PSMG3: variants seen among roughly 807,000 people sequenced by gnomAD.
The protein encoded by PSMG3 is PAC-3.
PSMG3 carries 4 observed loss-of-function variants against 7.9 expected under a neutral mutation model. That is an observed-to-expected ratio of 0.51 (90% confidence interval 0.25 to 1.16). The LOEUF (loss-of-function observed/expected upper bound fraction) is 1.16, where lower values mean the gene tolerates loss of function less well. Among genes scored for constraint, PSMG3 ranks in the 50% most tolerant of loss-of-function variants. The probability of loss-of-function intolerance (pLI) is 0.15; values close to 1 mark genes in which losing one functional copy is unlikely to be tolerated. For missense variants in PSMG3, 151 were observed against 157.4 expected (o/e 0.96, Z 0.22); for synonymous variants, 81 against 69.8 (o/e 1.16, Z -0.80).
At chr7:1,568,283 G>T (rs1237869387) in intron 1 of PSMG3, among the ~76,000 whole-genome samples, 1 of 151,868 alleles carries the variant, frequency 6.6e-6, no homozygotes, top group African/African-American at 2.4e-5. Context: ...ATGCCTGCGG[G>T]CTGGACAAAG....
Position 1,569,917 on chromosome 7 carries a change from CGGCCCG to C in PSMG3, c.-584_-579del, listed in dbSNP as rs1778858032. The C allele has an allele frequency of 6.6e-6, 1 of 151,906 alleles. No homozygotes were observed. Among genetic ancestry groups the C allele is most frequent in the South Asian group, 2.1e-4 (1 of 4,836 alleles). The allele number at this position is 151,906 out of a possible 1,614,324, so 9.4% of individuals were successfully genotyped here. The stretch of plus-strand genomic sequence containing the variant: ...CGCCGCCGCCCCGGCCCTGCAGCCG[CGGCCCG>C]GGACCCCCACGACACGCGGTGCCGA... On this transcript the variant is annotated 5_prime_UTR_variant, in exon 1 of 2. Coordinates refer to ENST00000288607, the MANE Select transcript of PSMG3 (RefSeq NM_032302.4).
chr7:1,568,972 A>T, intron 1 of PSMG3, 152 bp downstream of exon 1: 1 of 642,682 alleles, frequency 1.6e-6, no homozygotes, highest in Admixed American at 2.7e-5. Flanking sequence ...TATTTTGTGT[A>T]GGCACTTGTT....
Position 1,567,696 on chromosome 7 carries a change from G to A in PSMG3, c.*2C>T, listed in dbSNP as rs369521664. On this transcript the variant is annotated 3_prime_UTR_variant, in exon 2 of 2. Transcript: ENST00000288607. ...GAGCAGCGCGGGGCGGCTGCCTCCA[G>A]GTCACCACACCTGGCACACCCGGAT... is the stretch of plus-strand genomic sequence containing the variant. 2.5e-6 allele frequency: 4 copies of A among 1,613,346 alleles called. No individual in the cohort carries two copies. The African/African-American group carries it at 4.0e-5, about 16-fold the overall frequency.
rs1373215103 is a variant in PSMG3, at chr7:1,567,340, T to C, written c.*358A>G. On this transcript the variant is annotated 3_prime_UTR_variant, in exon 2 of 2. Transcript: ENST00000288607. ...AGGAGGACAGTGAAGTATTTTGGGA[T>C]ACACATTCGCTTTTAATAAAAAAGA... The C allele has an allele frequency of 5.3e-6, 1 of 187,770 alleles. No homozygotes were observed. Among genetic ancestry groups the C allele is most frequent in the Non-Finnish European group, 1.1e-5 (1 of 92,118 alleles). 11.6% of individuals were successfully genotyped at this position (187,770 alleles called of 1,614,324 possible).
chr7:1,568,993 G>A (rs183134743), intron 1 of PSMG3, 131 bp downstream of exon 1: 39 of 714,312 alleles, frequency 5.5e-5, no homozygotes, highest in African/African-American at 4.8e-4. Flanking sequence ...TTTTTGTAGT[G>A]ACTTGTGTGT....
intron 1 of PSMG3, among the ~76,000 whole-genome samples, chr7:1,568,337 C>A (rs531371178): frequency 8.6e-5 from 13 of 151,992 alleles, no homozygotes; most frequent in Non-Finnish European, 1.9e-4. Flanking sequence ...CCACAAATGC[C>A]CGGAAAATGC....
In PSMG3 at chr7:1,569,384, G is replaced by A. The variant is rs144535577; in HGVS notation, c.-45C>T. 6,746 of 1,485,404 alleles carry A rather than the reference G, an allele frequency of 4.5e-3. 110 individuals carry two copies. The highest frequency in any genetic ancestry group is 0.031 in the East Asian group (1,258 of 40,752). The allele number at this position is 1,485,404 out of a possible 1,614,324, so 92.0% of individuals were successfully genotyped here. A position where few individuals can be genotyped will look rare whatever the true frequency, so the allele number is the denominator to read the frequency against. On this transcript the variant is annotated 5_prime_UTR_variant, in exon 1 of 2. Transcript: ENST00000288607. ...AGCTTTAATTTAGGTTAAAAAGAAA[G>A]GGGAAAAAAAGGAGTCAATCAAACA...
rs1349643966 is a variant in PSMG3, at chr7:1,567,834, A to G, written c.233T>C (p.Phe78Ser). 1 of 1,613,684 alleles carries G rather than the reference A, an allele frequency of 6.2e-7. No homozygotes were observed. The highest frequency in any genetic ancestry group is 1.3e-5 in the African/African-American group (1 of 74,906). Residue 78 changes from phenylalanine (F) to serine (S), a missense_variant, in exon 2 of 2, where the codon TTT becomes TCT. By Grantham distance (155) the Phe-to-Ser change is radical. Coordinates refer to ENST00000288607, the MANE Select transcript of PSMG3 (RefSeq NM_032302.4). ...LGQDEPLIHVFAKNLVAFVSQ... is the reference protein window; with the variant it reads ...LGQDEPLIHVSAKNLVAFVSQ... ...CACAAACGCTACCAGGTTCTTTGCA[A>G]AGACATGGATGAGAGGCTGGTAAAG... is the stretch of plus-strand genomic sequence containing the variant.
intron 1 of PSMG3, 47 bp from the exon 2 acceptor site, chr7:1,567,897 T>C (rs749198101): frequency 3.1e-6 from 5 of 1,590,798 alleles, no homozygotes; most frequent in Non-Finnish European, 2.6e-6. Flanking sequence ...AGAAACCTGG[T>C]TTTTTCCTCA....
In PSMG3 at chr7:1,568,453, T is replaced by TTTATTATTA. The variant is rs56016686; in HGVS notation, c.217-612_217-604dup. Among the ~76,000 whole-genome samples, 187 of 147,962 alleles carry TTTATTATTA rather than the reference T, an allele frequency of 1.3e-3. 1 individual carries two copies. Among genetic ancestry groups the TTTATTATTA allele is most frequent in the African/African-American group, 3.9e-3 (154 of 39,498 alleles). On this transcript the variant is annotated intron_variant, in intron 1 of 1. Transcript: ENST00000288607. ...TCCCTGGGGGTCCCTTCCTGACCAC[T>TTTATTATTA]TTATTATTATTATTATTATTATTAT...
At chr7:1,568,534 T>A (rs185881411) in intron 1 of PSMG3, among the ~76,000 whole-genome samples, 19 of 151,796 alleles carry the variant, frequency 1.3e-4, no homozygotes, top group African/African-American at 4.1e-4. Flanking sequence ...GGCACAATCA[T>A]GGCTCACTGC....
At position 1,569,653 on chromosome 7, in the gene PSMG3, TACTC is replaced by T; in HGVS notation, c.-318_-315del. ...AGCAGGGCGCGCCTGTGGTCCCAGT[TACTC>T]AGGAGGCTGAGGCGGGAAGATCGCT... On this transcript the variant is annotated 5_prime_UTR_variant, in exon 1 of 2. The change abolishes the stop of an existing upstream ORF in the 5' untranslated region. Transcript: ENST00000288607. 4.2e-6 allele frequency: 1 copy of T among 240,396 alleles called. No individual in the cohort carries two copies. The highest frequency in any genetic ancestry group is 6.8e-5 in the South Asian group (1 of 14,786). 14.9% of individuals were successfully genotyped at this position (240,396 alleles called of 1,614,324 possible).
intron 1 of PSMG3, 38 bp from the exon 2 acceptor site, chr7:1,567,888 G>A (rs1399994964): frequency 2.5e-5 from 40 of 1,599,506 alleles, no homozygotes; most frequent in Non-Finnish European, 3.3e-5. Context: ...TTAACTGCAA[G>A]AAACCTGGTT....
rs1190417990 is a variant in PSMG3 at position 1,569,995 on chromosome 7, G to A, written c.-656C>T. The A allele has an allele frequency of 1.3e-5, 2 of 151,932 alleles. No individual in the cohort carries two copies. The highest frequency in any genetic ancestry group is 2.4e-5 in the African/African-American group (1 of 41,402). 9.4% of individuals were successfully genotyped at this position (151,932 alleles called of 1,614,324 possible). On this transcript the variant is annotated 5_prime_UTR_variant, in exon 1 of 2. Coordinates refer to ENST00000288607, the MANE Select transcript of PSMG3 (RefSeq NM_032302.4). ...CGCAGCCGCCCGGGGAAGCCCGCGG[G>A]TACCCGCGCTCACCAAGCCGGCGCC...
chr7:1,567,426 T>G lies in PSMG3; in HGVS notation c.*272A>C. The G allele has an allele frequency of 2.9e-6, 1 of 350,176 alleles. No individual in the cohort carries two copies. The highest frequency in any genetic ancestry group is 5.1e-6 in the Non-Finnish European group (1 of 194,968). 21.7% of individuals were successfully genotyped at this position (350,176 alleles called of 1,614,324 possible). On this transcript the variant is annotated 3_prime_UTR_variant, in exon 2 of 2. Transcript: ENST00000288607. ...GCCATGAGCCACGCCTGCTGACTCA[T>G]TCCTCCAATTCTCAAACACAAGCAA...
chr7:1,567,637 C>CTGAGTGGG lies in PSMG3; in HGVS notation c.*53_*60dup, dbSNP rs1438054103. Reference sequence around the variant, plus strand: ...GGGGAGGGAGGTGAGACTTGAGTCCCTGAGTGGGTGTCTGGGTGTTCACGT... The same window carrying CTGAGTGGG: ...GGGGAGGGAGGTGAGACTTGAGTCCCTGAGTGGGTGAGTGGGTGTCTGGGTGTTCACGT... On this transcript the variant is annotated 3_prime_UTR_variant, in exon 2 of 2. Transcript: ENST00000288607. 6.6e-7 allele frequency: 1 copy of CTGAGTGGG among 1,524,206 alleles called. No homozygotes were observed. Among genetic ancestry groups the CTGAGTGGG allele is most frequent in the African/African-American group, 1.4e-5 (1 of 71,850 alleles). 94.4% of individuals were successfully genotyped at this position (1,524,206 alleles called of 1,614,324 possible).
rs1291364538 is a variant in PSMG3 at position 1,569,933 on chromosome 7, C to T, written c.-594G>A. The T allele has an allele frequency of 1.3e-5, 2 of 151,812 alleles. No individual in the cohort carries two copies. Among genetic ancestry groups the T allele is most frequent in the Non-Finnish European group, 2.9e-5 (2 of 67,926 alleles). 9.4% of individuals were successfully genotyped at this position (151,812 alleles called of 1,614,324 possible). ...CTGCAGCCGCGGCCCGGGACCCCCACGACACGCGGTGCCGAGGCCGGCCGG... is the reference window on the plus strand; with the variant it reads ...CTGCAGCCGCGGCCCGGGACCCCCATGACACGCGGTGCCGAGGCCGGCCGG... On this transcript the variant is annotated 5_prime_UTR_variant, in exon 1 of 2. The change creates a new upstream start codon in the 5' untranslated region. Transcript: ENST00000288607.
rs868297334 is a variant in PSMG3, at chr7:1,567,395, G to C, written c.*303C>G. 2 of 294,498 alleles carry C rather than the reference G, an allele frequency of 6.8e-6. No individual in the cohort carries two copies. The highest frequency in any genetic ancestry group is 5.1e-5 in the Admixed American group (1 of 19,550). 18.2% of individuals were successfully genotyped at this position (294,498 alleles called of 1,614,324 possible). A position where few individuals can be genotyped will look rare whatever the true frequency, so the allele number is the denominator to read the frequency against. Reference sequence around the variant, plus strand: ...TCCTCCTACAATTGATCCTGCACACGGGGGGGCCATGAGCCACGCCTGCTG... The same window carrying C: ...TCCTCCTACAATTGATCCTGCACACCGGGGGGCCATGAGCCACGCCTGCTG... On this transcript the variant is annotated 3_prime_UTR_variant, in exon 2 of 2. Transcript: ENST00000288607.
Position 1,569,295 on chromosome 7 carries a change from C to G in PSMG3, c.45G>C (p.Val15=), listed in dbSNP as rs544692613. 1.2e-5 allele frequency: 20 copies of G among 1,612,562 alleles called. No homozygotes were observed. Among genetic ancestry groups the G allele is most frequent in the Admixed American group, 1.0e-4 (6 of 59,992 alleles). Residue 15 remains valine (V), a synonymous_variant, in exon 1 of 2, where the codon GTG becomes GTC. Coordinates refer to ENST00000288607, the MANE Select transcript of PSMG3 (RefSeq NM_032302.4). ...PLVISKQKTE[V]VCGVPTQVVC... Reference sequence around the variant, plus strand: ...CCACCTGGGTGGGGACCCCGCACACCACCTCCGTCTTCTGCTTCGATATCA... The same window carrying G: ...CCACCTGGGTGGGGACCCCGCACACGACCTCCGTCTTCTGCTTCGATATCA...
Sources: gnomAD v4.1 joint callset for allele counts (sites outside exome capture counted in the v4.1 genomes callset) on GRCh38, gnomAD v4.1.1 for gene constraint, MANE v1.5 for transcripts, NCBI Gene and HGNC (gene_info 2026-07-23, HGNC 2026-07-21) for gene names.